CDKAL1: variants seen among roughly 807,000 people sequenced by gnomAD.
CDKAL1 encodes the protein CDKAL1 threonylcarbamoyladenosine tRNA methylthiotransferase.
Under a neutral mutation model 68.2 loss-of-function variants are expected in CDKAL1, and 32 were observed. The ratio of observed to expected loss-of-function variants is 0.47; its 90% CI spans 0.35 to 0.63. The LOEUF (loss-of-function observed/expected upper bound fraction) is 0.63, where lower values mean the gene tolerates loss of function less well. Ranked by LOEUF, CDKAL1 falls within the 30% of genes least tolerant of loss-of-function variation. The probability of loss-of-function intolerance (pLI) is 0.00; values close to 1 mark genes in which losing one functional copy is unlikely to be tolerated. For synonymous variants in CDKAL1, 234 were observed against 244.3 expected (o/e 0.96, Z 0.39); for missense variants, 606 against 696.7 (o/e 0.87, Z 1.47).
intron 9 of CDKAL1, among the ~76,000 whole-genome samples, chr6:20,878,990 A>G (rs1760679790): frequency 6.7e-6 from 1 of 149,440 alleles, no homozygotes; most frequent in Non-Finnish European, 1.5e-5. Flanking sequence ...GAGGCAGGAG[A>G]ATCACTTGAA....
At chr6:21,037,905 G>T (rs1769681647) in intron 11 of CDKAL1, among the ~76,000 whole-genome samples, 1 of 152,174 alleles carries the variant, frequency 6.6e-6, no homozygotes, top group East Asian at 1.9e-4. Context: ...ATTATTTATG[G>T]AATTTGGGTT....
intron 12 of CDKAL1, among the ~76,000 whole-genome samples, chr6:21,093,388 AAGAG>A (rs898207115): frequency 2.6e-5 from 4 of 152,262 alleles, no homozygotes; most frequent in African/African-American, 9.6e-5. Flanking sequence ...TCATGAAAAC[AAGAG>A]AGTAAGCTAA....
intron 5 of CDKAL1, among the ~76,000 whole-genome samples, chr6:20,719,860 T>C (rs1012270481): frequency 1.3e-5 from 2 of 152,202 alleles, no homozygotes; most frequent in African/African-American, 4.8e-5. Context: ...TCTTTATGTT[T>C]CCTTATGGCT....
At chr6:20,560,714 A>G (rs2127668407) in intron 4 of CDKAL1, among the ~76,000 whole-genome samples, 1 of 152,284 alleles carries the variant, frequency 6.6e-6, no homozygotes, top group South Asian at 2.1e-4. Context: ...CTTTACCAGC[A>G]TATGTTTGAT....
intron 4 of CDKAL1, among the ~76,000 whole-genome samples, chr6:20,559,852 G>A (rs1204881231): frequency 6.6e-6 from 1 of 152,098 alleles, no homozygotes; most frequent in Non-Finnish European, 1.5e-5. Context: ...AGAGATTTGT[G>A]AAATATTTTT....
chr6:20,977,573 T>A (rs1765900004), intron 10 of CDKAL1, among the ~76,000 whole-genome samples: 1 of 152,140 alleles, frequency 6.6e-6, no homozygotes, highest in South Asian at 2.1e-4. Flanking sequence ...CTATGATTTT[T>A]AAAAAATAAT....
At chr6:21,081,873 C>T (rs899550770) in intron 12 of CDKAL1, among the ~76,000 whole-genome samples, 2 of 152,046 alleles carry the variant, frequency 1.3e-5, no homozygotes, top group East Asian at 3.9e-4. Context: ...CCACTGTGCC[C>T]AGCCAATATA....
At chr6:21,070,258 C>T (rs6932873) in intron 12 of CDKAL1, among the ~76,000 whole-genome samples, 52,762 of 152,088 alleles carry the variant, frequency 0.35, 9,505 homozygotes, top group African/African-American at 0.39. Flanking sequence ...CGGCCTGATC[C>T]TGCCATAAGA....
intron 7 of CDKAL1, among the ~76,000 whole-genome samples, chr6:20,760,211 G>A (rs545379174): frequency 3.9e-5 from 6 of 152,158 alleles, no homozygotes; most frequent in Admixed American, 3.9e-4. Flanking sequence ...AACTCCTGGG[G>A]TCAAACGATC....
chr6:20,789,643 C>T (rs1429980977), intron 8 of CDKAL1, among the ~76,000 whole-genome samples: 2 of 152,052 alleles, frequency 1.3e-5, no homozygotes, highest in Non-Finnish European at 1.5e-5. Context: ...CTTGCTTATC[C>T]GATTTCTAAC....
At chr6:21,060,545 T>G (rs1486823302) in intron 11 of CDKAL1, among the ~76,000 whole-genome samples, 1 of 152,108 alleles carries the variant, frequency 6.6e-6, no homozygotes, top group Non-Finnish European at 1.5e-5. Flanking sequence ...TATTTTACCT[T>G]TATTATTTTC....
At chr6:20,666,651 A>G (rs1246348380) in intron 5 of CDKAL1, among the ~76,000 whole-genome samples, 2 of 151,184 alleles carry the variant, frequency 1.3e-5, no homozygotes, top group African/African-American at 4.9e-5. Flanking sequence ...CTGAGAAGCA[A>G]CTTGAGGGCT....
intron 10 of CDKAL1, among the ~76,000 whole-genome samples, chr6:20,968,867 C>T (rs188097566): frequency 6.6e-6 from 1 of 151,858 alleles, no homozygotes; most frequent in Non-Finnish European, 1.5e-5. Context: ...ATTTAAAGTG[C>T]TGATTTAAAG....
At chr6:20,745,425 G>C (rs1461433636) in intron 6 of CDKAL1, among the ~76,000 whole-genome samples, 1 of 152,120 alleles carries the variant, frequency 6.6e-6, no homozygotes, top group African/African-American at 2.4e-5. Flanking sequence ...CCCCTACTTC[G>C]AACATTTCTT....
chr6:20,953,340 G>A (rs1764628430), intron 9 of CDKAL1, among the ~76,000 whole-genome samples: 1 of 152,130 alleles, frequency 6.6e-6, no homozygotes, highest in Non-Finnish European at 1.5e-5. Context: ...CAACAGCAAG[G>A]CACTGTTCCA....
Position 20,896,098 on chromosome 6 carries a change from CTTTTCT to C in CDKAL1, c.742+49925_742+49930del, listed in dbSNP as rs1761670850. ...TTTTTTCTTTTTTTTCTTTTCTTTT[CTTTTCT>C]TTTTTTTTTTTTTTTGAGATGGAGT... is the stretch of plus-strand genomic sequence containing the variant. On this transcript the variant is annotated intron_variant, in intron 9 of 15. Transcript: ENST00000274695. 5.8e-5 allele frequency among the ~76,000 whole-genome samples: 6 copies of C among 104,160 alleles called. No homozygotes were observed. In the East Asian group the frequency reaches 1.7e-3, roughly 30 times the overall value. The allele number at this position is 104,160 out of a possible 152,430, so 68.3% of individuals were successfully genotyped here.
intron 9 of CDKAL1, among the ~76,000 whole-genome samples, chr6:20,866,452 CTG>C (rs200747000): frequency 2.6e-5 from 4 of 152,100 alleles, no homozygotes; most frequent in South Asian, 4.2e-4. Context: ...AGAAAAAAAA[CTG>C]TTTCAGACAC....
intron 14 of CDKAL1, among the ~76,000 whole-genome samples, 199 bp downstream of exon 14, chr6:21,198,303 A>G (rs150688256): frequency 2.6e-5 from 4 of 152,180 alleles, no homozygotes; most frequent in Non-Finnish European, 5.9e-5. Context: ...GAATAGGTGT[A>G]TTTAGTCTAT....
intron 15 of CDKAL1, among the ~76,000 whole-genome samples, chr6:21,223,478 T>G (rs1220537736): frequency 6.6e-6 from 1 of 152,234 alleles, no homozygotes; most frequent in African/African-American, 2.4e-5. Flanking sequence ...ATCCTCTGCC[T>G]TTCTCGCTGA....
Sources: gnomAD v4.1 joint callset for allele counts (sites outside exome capture counted in the v4.1 genomes callset) on GRCh38, gnomAD v4.1.1 for gene constraint, MANE v1.5 for transcripts, NCBI Gene and HGNC (gene_info 2026-07-23, HGNC 2026-07-21) for gene names.